Variants in NEK1 observed in about 807,000 individuals in gnomAD.
The protein encoded by NEK1 is serine/threonine-protein kinase Nek1.
In NEK1, 137 loss-of-function variants were observed where a neutral mutation model predicts 182.1. The ratio of observed to expected loss-of-function variants is 0.75; its 90% CI spans 0.65 to 0.87. The LOEUF is 0.87. Ranked by LOEUF, NEK1 falls within the 40% of genes least tolerant of loss-of-function variation. NEK1 has a pLI of 0.00. For synonymous variants in NEK1, 513 were observed against 492.2 expected, an observed-to-expected ratio of 1.04 and a Z score of -0.56; for missense variants, 1,391 against 1,494.4, an observed-to-expected ratio of 0.93 and a Z score of 1.14.
rs1351481525 is a variant in NEK1, at chr4:169,569,355, G to A, written c.1021-7159C>T. ...ATATTCTGACACATGCATACAATGT[G>A]TAATGATCAAATAAGAGTAACTGGG... On this transcript the variant is annotated intron_variant, in intron 12 of 35. Coordinates refer to ENST00000507142, the MANE Select transcript of NEK1 (RefSeq NM_001199397.3). Among the ~76,000 whole-genome samples the A allele has an allele frequency of 3.9e-5, 6 of 152,114 alleles. No individual in the cohort carries two copies. The East Asian group carries it at 5.8e-4, about 15-fold the overall frequency.
chr4:169,396,983 C>T (rs1313358606), intron 35 of NEK1, among the ~76,000 whole-genome samples: 5 of 152,134 alleles, frequency 3.3e-5, no homozygotes, highest in Admixed American at 2.0e-4. Flanking sequence ...GTAATCCTAA[C>T]ACTTTGGGAA....
At chr4:169,575,676 C>G (rs887023143) in intron 12 of NEK1, among the ~76,000 whole-genome samples, 8 of 152,190 alleles carry the variant, frequency 5.3e-5, no homozygotes, top group African/African-American at 1.7e-4. Flanking sequence ...TACTGACACT[C>G]CAGGCAGTTT....
At chr4:169,533,689 G>A (rs1161165293) in intron 19 of NEK1, among the ~76,000 whole-genome samples, 3 of 152,168 alleles carry the variant, frequency 2.0e-5, no homozygotes, top group Non-Finnish European at 4.4e-5. Context: ...ATATTCCAGT[G>A]AGCTGGAACA....
At chr4:169,544,886 C>G (rs1026648462) in intron 18 of NEK1, among the ~76,000 whole-genome samples, 2 of 150,438 alleles carry the variant, frequency 1.3e-5, no homozygotes, top group African/African-American at 4.9e-5. Context: ...CTTCATTAGT[C>G]TTGCTAGTGA....
intron 26 of NEK1, among the ~76,000 whole-genome samples, chr4:169,473,104 G>A (rs200005481): frequency 6.7e-6 from 1 of 149,104 alleles, no homozygotes; most frequent in Non-Finnish European, 1.5e-5. Context: ...TAACAAAAAA[G>A]AAAAAAAAAA....
chr4:169,548,159 G>A (rs1293867094), intron 18 of NEK1, among the ~76,000 whole-genome samples: 1 of 152,178 alleles, frequency 6.6e-6, no homozygotes, highest in Non-Finnish European at 1.5e-5. Context: ...GGGTCTCTGA[G>A]TGTATGTCCT....
rs755980153 is a variant in NEK1 at position 169,424,786 on chromosome 4, C to A, written c.2989G>T (p.Asp997Tyr). The stretch of plus-strand genomic sequence containing the variant: ...ACATCACATTTAGAGTGCTGAGAAT[C>A]ATTGGTTCCAGGCTCTGTGGTAGAA... ...SDIHIEPGTN[D>Y]SQHSKCDVDK... Residue 997 changes from aspartate to tyrosine, a missense_variant, in exon 31 of 36, where the codon GAT (aspartate) becomes TAT (tyrosine). Physicochemically the swap from Asp to Tyr is radical, Grantham distance 160 (BLOSUM62 -3). Around this residue, in one of 5 missense-constraint regions of NEK1, gnomAD observed 1,216 missense variants for 1,277.6 expected, o/e 0.95. Transcript: ENST00000507142. The A allele has an allele frequency of 1.2e-6, 2 of 1,607,596 alleles. No homozygotes were observed. The highest frequency in any genetic ancestry group is 1.7e-6 in the Non-Finnish European group (2 of 1,174,714).
At chr4:169,404,763 T>C (rs2111073701) in intron 32 of NEK1, among the ~76,000 whole-genome samples, 1 of 139,762 alleles carries the variant, frequency 7.2e-6, no homozygotes, top group African/African-American at 2.6e-5. Context: ...AGGTTCTTTT[T>C]GTTTTTTTAT....
At chr4:169,419,867 T>C (rs1431631229) in intron 31 of NEK1, among the ~76,000 whole-genome samples, 7 of 152,108 alleles carry the variant, frequency 4.6e-5, no homozygotes, top group Non-Finnish European at 1.0e-4. Context: ...CACTAAGGTA[T>C]AGTCAAAATA....
At chr4:169,413,003 T>C (rs527519932) in intron 31 of NEK1, among the ~76,000 whole-genome samples, 2 of 152,146 alleles carry the variant, frequency 1.3e-5, no homozygotes, top group South Asian at 2.1e-4. Flanking sequence ...TGAACAAATA[T>C]AAGGACCCAA....
In NEK1 at chr4:169,426,142, T is replaced by C; in HGVS notation, c.2974+4A>G. On this transcript the variant is annotated splice_donor_region_variant and intron_variant, in intron 30 of 35. Transcript: ENST00000507142. ...AGTAATTAGACTAATGCAATGATGCTTACCTATATGAATGTCACTAAGTTG... is the reference window on the plus strand; with the variant it reads ...AGTAATTAGACTAATGCAATGATGCCTACCTATATGAATGTCACTAAGTTG... 6.2e-7 allele frequency: 1 copy of C among 1,608,192 alleles called. No individual in the cohort carries two copies. Among genetic ancestry groups the C allele is most frequent in the African/African-American group, 1.3e-5 (1 of 74,932 alleles).
At chr4:169,611,015 T>C (rs1394133642) in intron 2 of NEK1, among the ~76,000 whole-genome samples, 1 of 152,242 alleles carries the variant, frequency 6.6e-6, no homozygotes, top group East Asian at 1.9e-4. Flanking sequence ...TTTTTCAAAA[T>C]ATTTTTTCTT....
chr4:169,426,247 G>T lies in NEK1; in HGVS notation c.2886-13C>A. 1 of 1,607,568 alleles carries T rather than the reference G, an allele frequency of 6.2e-7. No individual in the cohort carries two copies. Among genetic ancestry groups the T allele is most frequent in the Admixed American group, 1.7e-5 (1 of 59,560 alleles). ...CCTATCTGCCGACCTGCCACAGATGGGTACACCAATTAAAAACACACACAC... is the reference window on the plus strand; with the variant it reads ...CCTATCTGCCGACCTGCCACAGATGTGTACACCAATTAAAAACACACACAC... On this transcript the variant is annotated splice_polypyrimidine_tract_variant and intron_variant, in intron 29 of 35. Transcript: ENST00000507142.
intron 27 of NEK1, among the ~76,000 whole-genome samples, chr4:169,451,311 A>C (rs1415121986): frequency 6.6e-6 from 1 of 152,146 alleles, no homozygotes; most frequent in Non-Finnish European, 1.5e-5. Flanking sequence ...AGAACTCTCC[A>C]CCCCAAATCA....
At chr4:169,444,733 C>T (rs1740173606) in intron 27 of NEK1, among the ~76,000 whole-genome samples, 2 of 152,166 alleles carry the variant, frequency 1.3e-5, no homozygotes, top group Non-Finnish European at 2.9e-5. Flanking sequence ...TTGATTTAAA[C>T]TGCACTTTAG....
chr4:169,611,463 T>C (rs1348186920), intron 2 of NEK1, among the ~76,000 whole-genome samples: 1 of 152,214 alleles, frequency 6.6e-6, no homozygotes, highest in Non-Finnish European at 1.5e-5. Flanking sequence ...GGTCATTAAC[T>C]TAGATTGGAT....
At position 169,477,497 on chromosome 4, in the gene NEK1, C is replaced by T. The variant is rs1272265695; in HGVS notation, c.2140G>A (p.Asp714Asn). The change falls in exon 25 of 36, where the codon GAC (aspartate) becomes AAC (asparagine). Residue 714 changes from aspartate to asparagine, a missense_variant and splice_region_variant. Asp to Asn is a conservative substitution (Grantham distance 23). Coordinates refer to ENST00000507142, the MANE Select transcript of NEK1 (RefSeq NM_001199397.3). The stretch of plus-strand genomic sequence containing the variant: ...TCCCGGGTATCAGTTAAACTACTGT[C>T]CTTTAAATGCAGATAGATACAGAGG... ...VTSALKEVGVDSSLTDTRETS... is the reference protein window; with the variant it reads ...VTSALKEVGVNSSLTDTRETS... The T allele has an allele frequency of 1.3e-6, 2 of 1,599,058 alleles. No individual in the cohort carries two copies. The highest frequency in any genetic ancestry group is 1.7e-6 in the Non-Finnish European group (2 of 1,170,088).
At chr4:169,437,622 G>C (rs1414543920) in intron 28 of NEK1, among the ~76,000 whole-genome samples, 2 of 152,138 alleles carry the variant, frequency 1.3e-5, no homozygotes, top group Non-Finnish European at 2.9e-5. Context: ...TGAGCCCCGG[G>C]CCATCACATA....
At chr4:169,592,038 TA>T (rs200855876) in intron 5 of NEK1, among the ~76,000 whole-genome samples, 58 of 144,408 alleles carry the variant, frequency 4.0e-4, no homozygotes, top group African/African-American at 4.5e-4. Context: ...CCTCACAAAT[TA>T]AAAAAAAAAA....
Sources: gnomAD v4.1 joint callset for allele counts (sites outside exome capture counted in the v4.1 genomes callset) on GRCh38, gnomAD v4.1.1 for gene constraint, gnomAD v4.1.1 regional missense constraint, MANE v1.5 for transcripts, NCBI Gene and HGNC (gene_info 2026-07-23, HGNC 2026-07-21) for gene names.